Variants in RNF222 observed in about 807,000 individuals in gnomAD.
The protein encoded by RNF222 is RING finger protein LOC643904.
In RNF222, 14 loss-of-function variants were observed where a neutral mutation model predicts 10.8. The ratio of observed to expected loss-of-function variants is 1.30; its 90% CI spans 0.86 to 2.03. The LOEUF (loss-of-function observed/expected upper bound fraction) is 2.03. Ranked by LOEUF, RNF222 falls within the 30% of genes most tolerant of loss-of-function variation. The pLI is 0.00. For synonymous variants in RNF222, 141 were observed against 142.5 expected (o/e 0.99, Z 0.07); for missense variants, 298 against 295.8 (o/e 1.01, Z -0.06).
In RNF222 at chr17:8,393,435, G is replaced by A; in HGVS notation, c.27C>T (p.Ser9=). The change falls in exon 3 of 3, where the codon AGC becomes AGT. Residue 9 remains serine, a synonymous_variant. Transcript: ENST00000399398. The part of the protein sequence containing the change: MSEGESKD[S]SGSECPVCYE... ...AGCACACGGGGCACTCACTGCCCGA[G>A]CTGTCCTTGCTCTCCCCTTCTGACA... The A allele has an allele frequency of 6.4e-7, 1 of 1,550,720 alleles. No individual in the cohort carries two copies. The highest frequency in any genetic ancestry group is 1.2e-5 in the South Asian group (1 of 83,956).
Position 8,392,745 on chromosome 17 carries a change from C to T in RNF222, c.*54G>A. On this transcript the variant is annotated 3_prime_UTR_variant, in exon 3 of 3. Transcript: ENST00000399398. This position sits in a 1 kb window ranked among gnomAD's most constrained non-coding sequence, Gnocchi z 4.3. ...TTGGTGGCACCAGGGCTGCCGTGGG[C>T]CTCCTGTCCCACCCCAGGCCACGGC... 6.6e-7 allele frequency: 1 copy of T among 1,515,714 alleles called. No homozygotes were observed. Among genetic ancestry groups the T allele is most frequent in the African/African-American group, 1.4e-5 (1 of 72,040 alleles). The allele number at this position is 1,515,714 out of a possible 1,614,324, so 93.9% of individuals were successfully genotyped here.
rs533155656 is a variant in RNF222 at position 8,392,894 on chromosome 17, G to C, written c.568C>G (p.Arg190Gly). 37 of 1,532,828 alleles carry C rather than the reference G, an allele frequency of 2.4e-5. No individual in the cohort carries two copies. In the South Asian group the frequency reaches 2.7e-4, roughly 11 times the overall value. The allele number at this position is 1,532,828 out of a possible 1,614,324, so 95.0% of individuals were successfully genotyped here. A position where few individuals can be genotyped will look rare whatever the true frequency, so the allele number is the denominator to read the frequency against. The change falls in exon 3 of 3, where the codon CGA becomes GGA. Residue 190 changes from arginine to glycine, a missense_variant. By Grantham distance (125) the Arg-to-Gly change is moderately radical. Transcript: ENST00000399398. This position sits in a 1 kb window ranked among gnomAD's most constrained non-coding sequence, Gnocchi z 4.3. Reference sequence around the variant, plus strand: ...GTGATGAGCAGCAGGGCCCGCGATCGGCAGCAGAAGGCGCGGGCGGAGCGG... The same window carrying C: ...GTGATGAGCAGCAGGGCCCGCGATCCGCAGCAGAAGGCGCGGGCGGAGCGG... ...APRSARAFCC[R>G]SRALLLITLI...
chr17:8,393,107 G>A lies in RNF222; in HGVS notation c.355C>T (p.Pro119Ser), dbSNP rs1197010583. Residue 119 changes from proline (P) to serine (S), a missense_variant, in exon 3 of 3, where the codon CCT becomes TCT. Pro to Ser is a moderately conservative substitution (Grantham distance 74, BLOSUM62 -1). Transcript: ENST00000399398. ...CCTGGCGGCCTGGCCTGGCCTGGAG[G>A]TGGCCTCCAGGCAGGGGAGGAGGCG... The part of the protein sequence containing the change: ...LAASSPAWRP[P>S]PGQARPPGSP... 5 of 1,516,898 alleles carry A rather than the reference G, an allele frequency of 3.3e-6. No homozygotes were observed. The South Asian group carries it at 6.3e-5, about 19-fold the overall frequency. The allele number at this position is 1,516,898 out of a possible 1,614,324, so 94.0% of individuals were successfully genotyped here.
Position 8,392,982 on chromosome 17 carries a change from C to T in RNF222, c.480G>A (p.Gly160=), listed in dbSNP as rs1171262458. 1 of 1,506,026 alleles carries T rather than the reference C, an allele frequency of 6.6e-7. No homozygotes were observed. The allele number at this position is 1,506,026 out of a possible 1,614,324, so 93.3% of individuals were successfully genotyped here. A position where few individuals can be genotyped will look rare whatever the true frequency, so the allele number is the denominator to read the frequency against. ...FVISRHGMPL[G]EQDSVLPRRS... is the part of the protein sequence containing the mutation. Reference sequence around the variant, plus strand: ...GGCGGGGCAGCACGCTGTCCTGCTCCCCCAGGGGCATCCCGTGGCGGCTGA... The same window carrying T: ...GGCGGGGCAGCACGCTGTCCTGCTCTCCCAGGGGCATCCCGTGGCGGCTGA... The change falls in exon 3 of 3, where the codon GGG becomes GGA. Residue 160 remains glycine, a synonymous_variant. Coordinates refer to ENST00000399398, the MANE Select transcript of RNF222 (RefSeq NM_001146684.3). This position sits in a 1 kb window ranked among gnomAD's most constrained non-coding sequence, Gnocchi z 4.3.
rs576801001 is a variant in RNF222, at chr17:8,396,713, C to T, written c.-178+982G>A. On this transcript the variant is annotated intron_variant, in intron 1 of 2. Coordinates refer to ENST00000399398, the MANE Select transcript of RNF222 (RefSeq NM_001146684.3). ...GTCAACACCTGGACGATGCTACCTC[C>T]TTCCCCACCTTCTTGCCTCCCTTTC... Among the ~76,000 whole-genome samples the T allele has an allele frequency of 2.0e-5, 3 of 152,266 alleles. No individual in the cohort carries two copies. The East Asian group carries it at 5.8e-4, about 29-fold the overall frequency.
At position 8,392,760 on chromosome 17, in the gene RNF222, C is replaced by A; in HGVS notation, c.*39G>T. ...CTGCCGTGGGCCTCCTGTCCCACCC[C>A]AGGCCACGGCTAGCCCGGCGGCCTC... On this transcript the variant is annotated 3_prime_UTR_variant, in exon 3 of 3. Transcript: ENST00000399398. The surrounding 1 kb of genome is among the most constrained non-coding windows in gnomAD (Gnocchi z 4.3). The A allele has an allele frequency of 6.6e-7, 1 of 1,524,214 alleles. No homozygotes were observed. Among genetic ancestry groups the A allele is most frequent in the Non-Finnish European group, 8.8e-7 (1 of 1,141,744 alleles). 94.4% of individuals were successfully genotyped at this position (1,524,214 alleles called of 1,614,324 possible).
At chr17:8,395,738 GGTTATTCCAATCTTTCTTGGTA>G (rs1437614990) in intron 1 of RNF222, among the ~76,000 whole-genome samples, 1 of 152,176 alleles carries the variant, frequency 6.6e-6, no homozygotes, top group African/African-American at 2.4e-5. Context: ...TAATTTAAAT[GGTTATTCCAATCTTTCTTGGTA>G]GTTATTTCAT....
rs1186518837 is a variant in RNF222 at position 8,392,634 on chromosome 17, C to T, written c.*165G>A. ...AGTCAGCTCCAGCCTCTCTGTCGAGCGGAAGCCCCTGCGGGGGTCGGGGAA... is the reference window on the plus strand; with the variant it reads ...AGTCAGCTCCAGCCTCTCTGTCGAGTGGAAGCCCCTGCGGGGGTCGGGGAA... On this transcript the variant is annotated 3_prime_UTR_variant, in exon 3 of 3. Transcript: ENST00000399398. The surrounding 1 kb of genome is among the most constrained non-coding windows in gnomAD (Gnocchi z 4.3). 2.2e-5 allele frequency: 18 copies of T among 812,010 alleles called. No homozygotes were observed. The highest frequency in any genetic ancestry group is 3.0e-5 in the Admixed American group (1 of 33,168). 50.3% of individuals were successfully genotyped at this position (812,010 alleles called of 1,614,324 possible). A position where few individuals can be genotyped will look rare whatever the true frequency, so the allele number is the denominator to read the frequency against.
chr17:8,393,222 C>T lies in RNF222; in HGVS notation c.240G>A (p.Met80Ile). The change falls in exon 3 of 3, where the codon ATG (methionine) becomes ATA (isoleucine). Residue 80 changes from methionine to isoleucine, a missense_variant. Coordinates refer to ENST00000399398, the MANE Select transcript of RNF222 (RefSeq NM_001146684.3). ...CCAGCGTCTGGGAGCTCTTGTCCAGCATGGAGGGCCAGCGGGAGCTCTTCT... is the reference window on the plus strand; with the variant it reads ...CCAGCGTCTGGGAGCTCTTGTCCAGTATGGAGGGCCAGCGGGAGCTCTTCT... ...LSKKSSRWPS[M>I]LDKSSQTLAV... The T allele has an allele frequency of 6.4e-7, 1 of 1,550,950 alleles. No individual in the cohort carries two copies. Among genetic ancestry groups the T allele is most frequent in the Non-Finnish European group, 8.7e-7 (1 of 1,146,966 alleles).
intron 1 of RNF222, among the ~76,000 whole-genome samples, chr17:8,395,567 G>C (rs1453351299): frequency 6.6e-6 from 1 of 152,172 alleles, no homozygotes; most frequent in African/African-American, 2.4e-5. Context: ...TCTTGAGGCA[G>C]CCACAGCATT....
intron 1 of RNF222, 110 bp from the exon 2 acceptor site, chr17:8,394,439 T>G (rs988551586): frequency 1.5e-4 from 4 of 26,736 alleles, no homozygotes; most frequent in Non-Finnish European, 3.2e-4. Context: ...AGATGGTTTG[T>G]TTTTTTTTTT....
chr17:8,397,475 T>A (rs1379307871), intron 1 of RNF222, among the ~76,000 whole-genome samples: 2 of 152,116 alleles, frequency 1.3e-5, no homozygotes, highest in African/African-American at 2.4e-5. Context: ...TGGGACAGAA[T>A]GATACTTCCA....
intron 1 of RNF222, among the ~76,000 whole-genome samples, chr17:8,397,119 G>T (rs989115154): frequency 2.0e-5 from 3 of 152,158 alleles, no homozygotes; most frequent in African/African-American, 7.2e-5. Flanking sequence ...CAACAAGGCT[G>T]GGGCGTAGGG....
intron 1 of RNF222, among the ~76,000 whole-genome samples, chr17:8,397,313 A>T (rs1015548871): frequency 1.3e-5 from 2 of 152,084 alleles, no homozygotes; most frequent in African/African-American, 4.8e-5. Context: ...AGGCAGGGGG[A>T]AGGCAATGGC....
At chr17:8,395,099 A>G (rs569746457) in intron 1 of RNF222, among the ~76,000 whole-genome samples, 1 of 152,362 alleles carries the variant, frequency 6.6e-6, no homozygotes, top group Admixed American at 6.5e-5. Flanking sequence ...ATCTTTCAGA[A>G]TCCCTCCCTC....
chr17:8,397,235 T>C (rs1433623635), intron 1 of RNF222, among the ~76,000 whole-genome samples: 1 of 152,168 alleles, frequency 6.6e-6, no homozygotes. Context: ...GAAAAGTGAC[T>C]ACCCAAAGTT....
rs1440290762 is a variant in RNF222, at chr17:8,391,845, C to G, written c.*954G>C. 6.6e-6 allele frequency: 1 copy of G among 152,352 alleles called. No homozygotes were observed. Among genetic ancestry groups the G allele is most frequent in the Non-Finnish European group, 1.5e-5 (1 of 68,138 alleles). 9.4% of individuals were successfully genotyped at this position (152,352 alleles called of 1,614,324 possible). On this transcript the variant is annotated 3_prime_UTR_variant, in exon 3 of 3. Coordinates refer to ENST00000399398, the MANE Select transcript of RNF222 (RefSeq NM_001146684.3). Reference sequence around the variant, plus strand: ...TCCTCCCCACCCTTCCTCACCCAGCCCAGCCTGGCAATCCACCTAGGAAAC... The same window carrying G: ...TCCTCCCCACCCTTCCTCACCCAGCGCAGCCTGGCAATCCACCTAGGAAAC...
In RNF222 at chr17:8,392,415, A is replaced by G; in HGVS notation, c.*384T>C. ...GGATCCTGCCATCGGCCAGCCCAGC[A>G]GGACGTCTGCCTGCAGGACTTTCTT... On this transcript the variant is annotated 3_prime_UTR_variant, in exon 3 of 3. Transcript: ENST00000399398. This position sits in a 1 kb window ranked among gnomAD's most constrained non-coding sequence, Gnocchi z 4.3. The G allele has an allele frequency of 4.7e-6, 1 of 214,560 alleles. No homozygotes were observed. Among genetic ancestry groups the G allele is most frequent in the African/African-American group, 2.3e-5 (1 of 42,790 alleles). The allele number at this position is 214,560 out of a possible 1,614,324, so 13.3% of individuals were successfully genotyped here. A position where few individuals can be genotyped will look rare whatever the true frequency, so the allele number is the denominator to read the frequency against.
chr17:8,393,018 C>G lies in RNF222; in HGVS notation c.444G>C (p.Gln148His). 1.3e-6 allele frequency: 2 copies of G among 1,503,844 alleles called. No individual in the cohort carries two copies. The highest frequency in any genetic ancestry group is 8.8e-7 in the Non-Finnish European group (1 of 1,131,660). The allele number at this position is 1,503,844 out of a possible 1,614,324, so 93.2% of individuals were successfully genotyped here. The change falls in exon 3 of 3, where the codon CAG (glutamine) becomes CAC (histidine). Residue 148 changes from glutamine to histidine, a missense_variant. Transcript: ENST00000399398. ...TCCCGTGGCGGCTGATGACAAAGAT[C>G]TGTGACTCCCGGGGCAGGCTGGGCA... The part of the protein sequence containing the change: ...DLLPSLPRES[Q>H]IFVISRHGMP...
Sources: allele counts gnomAD v4.1 joint callset (sites outside exome capture counted in the v4.1 genomes callset), GRCh38; gene constraint gnomAD v4.1.1; non-coding constraint Gnocchi (gnomAD v3.1); transcripts MANE v1.5; gene names NCBI Gene and HGNC (gene_info 2026-07-23, HGNC 2026-07-21).